GRID1: variants seen among roughly 807,000 people sequenced by gnomAD.
The protein encoded by GRID1 is glutamate ionotropic receptor delta type subunit 1.
In GRID1, 28 loss-of-function variants were observed where a neutral mutation model predicts 98.0. The observed-to-expected ratio is 0.29, with a 90% CI of 0.21 to 0.39. GRID1 has a LOEUF of 0.39. Ranked by LOEUF, GRID1 falls within the 10% of genes least tolerant of loss-of-function variation. The pLI is 1.00. For missense variants in GRID1, 1,111 were observed against 1,340.5 expected (o/e 0.83, Z 2.67); for synonymous variants, 553 against 538.5 (o/e 1.03, Z -0.37).
At position 86,324,948 on chromosome 10, in the gene GRID1, CA is replaced by C. The variant is rs1210310145; in HGVS notation, c.235+38992del. Among the ~76,000 whole-genome samples the C allele has an allele frequency of 1.3e-5, 2 of 151,962 alleles. 1 individual carries two copies. ...GCTGTTTATCAGACAAAATAGAATT[CA>C]AGGTGGAAGCACTCAAAGGAACAGG... is the stretch of plus-strand genomic sequence containing the variant. On this transcript the variant is annotated intron_variant, in intron 2 of 15. Transcript: ENST00000327946.
At chr10:85,738,697 A>G (rs1841910813) in intron 8 of GRID1, among the ~76,000 whole-genome samples, 1 of 152,232 alleles carries the variant, frequency 6.6e-6, no homozygotes, top group African/African-American at 2.4e-5. Flanking sequence ...ACACACAACA[A>G]CATGGATAAA....
chr10:85,804,003 T>G (rs1842599885), intron 8 of GRID1, among the ~76,000 whole-genome samples: 1 of 150,862 alleles, frequency 6.6e-6, no homozygotes. Context: ...AAGAACAAAG[T>G]AAGCACAAAA....
chr10:85,870,842 G>A (rs753215306), intron 5 of GRID1, among the ~76,000 whole-genome samples: 3 of 152,202 alleles, frequency 2.0e-5, no homozygotes, highest in Non-Finnish European at 4.4e-5. Flanking sequence ...TGGGAGAACA[G>A]AGGGTCAGTA....
chr10:85,817,995 T>G (rs1426442459), intron 8 of GRID1, among the ~76,000 whole-genome samples: 1 of 152,240 alleles, frequency 6.6e-6, no homozygotes, highest in Non-Finnish European at 1.5e-5. Flanking sequence ...AACAGTGATT[T>G]GCTTGGATAC....
intron 2 of GRID1, among the ~76,000 whole-genome samples, chr10:86,219,078 C>G (rs1227648321): frequency 6.6e-6 from 1 of 152,246 alleles, no homozygotes; most frequent in Non-Finnish European, 1.5e-5. Flanking sequence ...GATGCCCACA[C>G]CCACCTCACT....
chr10:85,724,235 G>A lies in GRID1; in HGVS notation c.1858+117C>T, dbSNP rs1385592446. 5.6e-6 allele frequency: 4 copies of A among 715,130 alleles called. No individual in the cohort carries two copies. The East Asian group carries it at 1.1e-4, about 19-fold the overall frequency. The allele number at this position is 715,130 out of a possible 1,614,324, so 44.3% of individuals were successfully genotyped here. A position where few individuals can be genotyped will look rare whatever the true frequency, so the allele number is the denominator to read the frequency against. On this transcript the variant is annotated intron_variant, in intron 11 of 15. Coordinates refer to ENST00000327946, the MANE Select transcript of GRID1 (RefSeq NM_017551.3). Reference sequence around the variant, plus strand: ...AGCATGACATTTGTACTGTCCTAGAGATTAAGTAAAATTGCATTTGGAATG... The same window carrying A: ...AGCATGACATTTGTACTGTCCTAGAAATTAAGTAAAATTGCATTTGGAATG...
At chr10:86,293,325 A>G (rs2814311) in intron 2 of GRID1, among the ~76,000 whole-genome samples, 121,138 of 151,962 alleles carry the variant, frequency 0.8, 50,028 homozygotes, top group Non-Finnish European at 0.91. Context: ...TGGCCCAGGC[A>G]TGCCAGTCAC....
chr10:85,639,788 G>T (rs35174795), intron 13 of GRID1, among the ~76,000 whole-genome samples: 3,152 of 152,268 alleles, frequency 0.021, 50 homozygotes, highest in Non-Finnish European at 0.032. Flanking sequence ...CAGGAGAATC[G>T]CTTGAACCTG....
intron 5 of GRID1, among the ~76,000 whole-genome samples, chr10:85,881,160 G>A (rs1192985972): frequency 2.0e-5 from 3 of 152,174 alleles, no homozygotes; most frequent in Admixed American, 1.3e-4. Context: ...CATGCTCATG[G>A]CTAGGAAGAA....
chr10:86,246,667 C>T (rs1232921112), intron 2 of GRID1, among the ~76,000 whole-genome samples: 1 of 152,168 alleles, frequency 6.6e-6, no homozygotes, highest in Non-Finnish European at 1.5e-5. Context: ...CCTGTCCCAC[C>T]CCCACGTACC....
chr10:85,726,861 T>G (rs1475667581), intron 10 of GRID1, among the ~76,000 whole-genome samples: 3 of 152,200 alleles, frequency 2.0e-5, no homozygotes, highest in Non-Finnish European at 2.9e-5. Flanking sequence ...CAACCCGGTA[T>G]CTTTACTAAA....
rs1338931233 is a variant in GRID1 at position 86,365,749 on chromosome 10, AG to A, written c.79+564del. 2.6e-5 allele frequency among the ~76,000 whole-genome samples: 4 copies of A among 152,056 alleles called. No homozygotes were observed. Among genetic ancestry groups the A allele is most frequent in the African/African-American group, 9.7e-5 (4 of 41,404 alleles). On this transcript the variant is annotated intron_variant, in intron 1 of 15. Coordinates refer to ENST00000327946, the MANE Select transcript of GRID1 (RefSeq NM_017551.3). This position sits in a 1 kb window ranked among gnomAD's most constrained non-coding sequence, Gnocchi z 4.8. ...AGGCAGACACTGTGTCCACTCTAAC[AG>A]GCTGACAGACAGTCGTGCACGCACC...
At chr10:86,091,991 T>A (rs903570594) in intron 4 of GRID1, among the ~76,000 whole-genome samples, 1 of 152,156 alleles carries the variant, frequency 6.6e-6, no homozygotes, top group Non-Finnish European at 1.5e-5. Flanking sequence ...AACAACAGCC[T>A]TAAGTCCTAG....
chr10:85,769,828 C>G (rs1419856939), intron 8 of GRID1, among the ~76,000 whole-genome samples: 1 of 152,226 alleles, frequency 6.6e-6, no homozygotes, highest in Non-Finnish European at 1.5e-5. Context: ...AGGGAAGCTC[C>G]AACTGGGTGG....
In GRID1 at chr10:86,192,972, G is replaced by A. The variant is rs1241165935; in HGVS notation, c.520+13392C>T. Among the ~76,000 whole-genome samples, 1 of 152,008 alleles carries A rather than the reference G, an allele frequency of 6.6e-6. No individual in the cohort carries two copies. Among genetic ancestry groups the A allele is most frequent in the South Asian group, 2.1e-4 (1 of 4,820 alleles). On this transcript the variant is annotated intron_variant, in intron 3 of 15. Coordinates refer to ENST00000327946, the MANE Select transcript of GRID1 (RefSeq NM_017551.3). The surrounding 1 kb of genome is among the most constrained non-coding windows in gnomAD (Gnocchi z 4.8). ...AGAGGCCAGAGCGTGTGTCTCAGGAGAGCCCGGGAGGATGGGAAGCAAGGA... is the reference window on the plus strand; with the variant it reads ...AGAGGCCAGAGCGTGTGTCTCAGGAAAGCCCGGGAGGATGGGAAGCAAGGA...
At chr10:86,260,212 T>C (rs541637413) in intron 2 of GRID1, among the ~76,000 whole-genome samples, 2 of 152,350 alleles carry the variant, frequency 1.3e-5, no homozygotes, top group East Asian at 1.9e-4. Flanking sequence ...TGGGCCAGCA[T>C]TGGAAAGCAC....
intron 4 of GRID1, among the ~76,000 whole-genome samples, chr10:86,109,305 ACT>A (rs1195220374): frequency 1.3e-5 from 2 of 152,248 alleles, no homozygotes; most frequent in Non-Finnish European, 2.9e-5. Context: ...AAAATGAAAC[ACT>A]GAGTGTTCAG....
intron 4 of GRID1, among the ~76,000 whole-genome samples, chr10:86,071,424 C>T (rs891143140): frequency 5.9e-5 from 9 of 152,206 alleles, no homozygotes; most frequent in Admixed American, 5.9e-4. Flanking sequence ...GTCTCTGGTC[C>T]ATCATCCACA....
chr10:85,955,189 G>A (rs1314216021), intron 4 of GRID1, among the ~76,000 whole-genome samples: 1 of 152,162 alleles, frequency 6.6e-6, no homozygotes, highest in Non-Finnish European at 1.5e-5. Flanking sequence ...CTTGGATGGT[G>A]CAGGGAAGAA....
Sources: gnomAD v4.1 joint callset for allele counts (sites outside exome capture counted in the v4.1 genomes callset) on GRCh38, gnomAD v4.1.1 for gene constraint, Gnocchi (gnomAD v3.1) non-coding constraint, MANE v1.5 for transcripts, NCBI Gene and HGNC (gene_info 2026-07-23, HGNC 2026-07-21) for gene names.